Variants in GPR89A observed in about 807,000 individuals in gnomAD.
GPR89A encodes the protein G protein-coupled receptor 89A.
GPR89A carries 16 observed loss-of-function variants against 52.0 expected under a neutral mutation model. The ratio of observed to expected loss-of-function variants is 0.31; its 90% confidence interval spans 0.21 to 0.47. GPR89A has a LOEUF of 0.47. Among genes scored for constraint, GPR89A ranks in the 20% least tolerant of loss-of-function variants. GPR89A has a pLI of 1.00. For synonymous variants in GPR89A, 55 were observed against 150.9 expected (o/e 0.36, Z 4.66); for missense variants, 135 against 449.4 (o/e 0.30, Z 6.33).
chr1:145,660,911 A>C (rs1281340511), intron 10 of GPR89A, among the ~76,000 whole-genome samples: 5 of 151,772 alleles, frequency 3.3e-5, no homozygotes, highest in Admixed American at 3.3e-4. Context: ...TTCTTCAGGG[A>C]TCTAGAACTA....
intron 7 of GPR89A, among the ~76,000 whole-genome samples, chr1:145,642,975 A>C (rs1650753249): frequency 1.3e-5 from 2 of 151,916 alleles, no homozygotes; most frequent in African/African-American, 4.8e-5. Flanking sequence ...ATTCACCTGT[A>C]GGACAGATTG....
intron 10 of GPR89A, among the ~76,000 whole-genome samples, chr1:145,656,279 A>G (rs1256308654): frequency 2.0e-5 from 3 of 151,986 alleles, no homozygotes; most frequent in Admixed American, 2.0e-4. Context: ...TTGGGATCCA[A>G]GGCCCTGTTG....
At chr1:145,636,856 C>T (rs1450321597) in intron 7 of GPR89A, among the ~76,000 whole-genome samples, 2 of 152,086 alleles carry the variant, frequency 1.3e-5, no homozygotes, top group African/African-American at 2.4e-5. Context: ...TGCCCCTTAG[C>T]CACCACCCCC....
rs1559050696 is a variant in GPR89A at position 145,663,352 on chromosome 1, T to G, written c.933T>G (p.Asp311Glu). ...AGGCTACCATCAATATTGTTTTTGA[T>G]CGAGTTGGGAAAACGGATCCTGTCA... ...IFMATINIVFDRVGKTDPVTR... is the reference protein window; with the variant it reads ...IFMATINIVFERVGKTDPVTR... Residue 311 changes from aspartate (D) to glutamate (E), a missense_variant, in exon 11 of 14, where the codon GAT (aspartate) becomes GAG (glutamate). This residue lies in a region of GPR89A where 28 missense variants were observed against 61.6 expected (regional missense o/e 0.45). Transcript: ENST00000313835. The G allele has an allele frequency of 1.2e-6, 2 of 1,610,686 alleles. No homozygotes were observed. The highest frequency in any genetic ancestry group is 2.2e-5 in the South Asian group (2 of 90,918).
chr1:145,608,686 T>G lies in GPR89A; in HGVS notation c.42+511T>G, dbSNP rs1553685528. On this transcript the variant is annotated intron_variant, in intron 1 of 13. Coordinates refer to ENST00000313835, the MANE Select transcript of GPR89A (RefSeq NM_001097612.2). ...AAGTATCAGTATAAGGTAATACCTG[T>G]GCTTGAAAGTATAAGGTTTCGTTTT... The G allele has an allele frequency of 3.2e-6, 3 of 945,646 alleles. No homozygotes were observed. The African/African-American group carries it at 5.4e-5, about 17-fold the overall frequency. 58.6% of individuals were successfully genotyped at this position (945,646 alleles called of 1,614,324 possible).
intron 9 of GPR89A, chr1:145,646,583 C>G: frequency 2.5e-6 from 1 of 404,938 alleles, no homozygotes; most frequent in Non-Finnish European, 4.4e-6. Flanking sequence ...ACTTTTATTC[C>G]TTTATAAGTT....
At chr1:145,669,778 G>C in intron 13 of GPR89A, 56 bp from the exon 14 acceptor site, 1 of 1,418,682 alleles carries the variant, frequency 7.0e-7, no homozygotes, top group South Asian at 1.1e-5. Context: ...AATTTCCTTT[G>C]TCCTGTTCCT....
At chr1:145,659,487 T>C (rs1652044486) in intron 10 of GPR89A, among the ~76,000 whole-genome samples, 1 of 151,644 alleles carries the variant, frequency 6.6e-6, no homozygotes, top group South Asian at 2.1e-4. Context: ...GACCGGCCTA[T>C]GTTTAACCTT....
chr1:145,621,162 A>T (rs1395660723), intron 3 of GPR89A, among the ~76,000 whole-genome samples: 1 of 151,456 alleles, frequency 6.6e-6, no homozygotes, highest in African/African-American at 2.4e-5. Flanking sequence ...ACAATAAGAA[A>T]CAGCCCTCTG....
chr1:145,609,753 C>T (rs1237495286), intron 1 of GPR89A, among the ~76,000 whole-genome samples: 1 of 152,220 alleles, frequency 6.6e-6, no homozygotes, highest in African/African-American at 2.4e-5. Flanking sequence ...TAGACTTTCA[C>T]TTCACACATG....
At chr1:145,627,725 G>A (rs1251957563) in intron 5 of GPR89A, among the ~76,000 whole-genome samples, 1 of 150,920 alleles carries the variant, frequency 6.6e-6, no homozygotes, top group African/African-American at 2.4e-5. Context: ...TTGTCATCAA[G>A]GAGTGAACAG....
At chr1:145,657,120 A>C (rs1342946424) in intron 10 of GPR89A, among the ~76,000 whole-genome samples, 1 of 150,884 alleles carries the variant, frequency 6.6e-6, no homozygotes, top group Non-Finnish European at 1.5e-5. Flanking sequence ...TTGTCTGAGC[A>C]TGTTGGCTCA....
intron 7 of GPR89A, among the ~76,000 whole-genome samples, chr1:145,632,224 TCA>T (rs1333224868): frequency 1.3e-5 from 2 of 152,190 alleles, no homozygotes; most frequent in Non-Finnish European, 2.9e-5. Context: ...ATCTATCACC[TCA>T]CATGTTTATT....
Position 145,623,084 on chromosome 1 carries a change from G to C in GPR89A, c.237G>C (p.Leu79=), listed in dbSNP as rs587702900. 2.8e-5 allele frequency: 45 copies of C among 1,612,264 alleles called. No individual in the cohort carries two copies. Among genetic ancestry groups the C allele is most frequent in the Admixed American group, 6.7e-5 (4 of 59,876 alleles). Residue 79 remains leucine, a synonymous_variant, in exon 4 of 14, where the codon CTG becomes CTC. Transcript: ENST00000313835. ...GTTATTTTCACTGGAAAATGAACCT[G>C]TGTGTAATTCTGCTGATCCTGGTTT... ...SSRYFHWKMN[L]CVILLILVFM... is the part of the protein sequence containing the mutation.
chr1:145,609,376 C>A (rs1409470011), intron 1 of GPR89A, among the ~76,000 whole-genome samples: 1 of 152,180 alleles, frequency 6.6e-6, no homozygotes, highest in Non-Finnish European at 1.5e-5. Flanking sequence ...TCCTACCACT[C>A]TAATGCAATA....
At chr1:145,666,672 T>A (rs1652571086) in intron 12 of GPR89A, among the ~76,000 whole-genome samples, 1 of 151,250 alleles carries the variant, frequency 6.6e-6, no homozygotes, top group Admixed American at 6.6e-5. Context: ...TCATTTACAT[T>A]AGGTATATCT....
intron 1 of GPR89A, among the ~76,000 whole-genome samples, chr1:145,610,563 C>T (rs1419081473): frequency 3.3e-5 from 5 of 152,140 alleles, no homozygotes; most frequent in Non-Finnish European, 5.9e-5. Context: ...GAAGCTTCCC[C>T]TAGACTGGAC....
At chr1:145,608,257 G>A in intron 1 of GPR89A, 82 bp downstream of exon 1, 1 of 1,577,994 alleles carries the variant, frequency 6.3e-7, no homozygotes, top group Admixed American at 1.7e-5. Flanking sequence ...GTGCGGGCTG[G>A]TCCGGGGTCT....
In GPR89A at chr1:145,612,665, G is replaced by C. The variant is rs150268270; in HGVS notation, c.43-3569G>C. Reference sequence around the variant, plus strand: ...TACTACTTAGAGAGCCTGTAGTATAGTAAATGCTCAATAAAAGTTACCTAA... The same window carrying C: ...TACTACTTAGAGAGCCTGTAGTATACTAAATGCTCAATAAAAGTTACCTAA... On this transcript the variant is annotated intron_variant, in intron 1 of 13. Transcript: ENST00000313835. Among the ~76,000 whole-genome samples, 178 of 152,144 alleles carry C rather than the reference G, an allele frequency of 1.2e-3. 6 individuals are homozygous for C. In the East Asian group the frequency reaches 0.031, roughly 27 times the overall value.
Sources: allele counts gnomAD v4.1 joint callset (sites outside exome capture counted in the v4.1 genomes callset), GRCh38; gene constraint gnomAD v4.1.1; regional missense constraint gnomAD v4.1.1; transcripts MANE v1.5; gene names NCBI Gene and HGNC (gene_info 2026-07-23, HGNC 2026-07-21).